Variants in DPP6 observed in about 807,000 individuals in gnomAD.
DPP6 encodes the protein dipeptidyl peptidase like 6.
Under a neutral mutation model 122.6 loss-of-function variants are expected in DPP6, and 69 were observed. That is an observed-to-expected ratio of 0.56 (90% confidence interval 0.46 to 0.69). DPP6 has a LOEUF of 0.69. DPP6 is among the 30% of genes least tolerant of loss of function. The pLI, the probability that DPP6 is intolerant of heterozygous loss-of-function variation, is 0.00. For synonymous variants in DPP6, 418 were observed against 433.1 expected (o/e 0.97, Z 0.43); for missense variants, 928 against 1,116.9 (o/e 0.83, Z 2.41).
intron 4 of DPP6, among the ~76,000 whole-genome samples, chr7:154,556,082 A>C (rs1206216775): frequency 6.6e-6 from 1 of 152,128 alleles, no homozygotes; most frequent in Admixed American, 6.6e-5. Flanking sequence ...AGTAATGTAT[A>C]CTCTTTTACC....
At chr7:154,841,775 C>T (rs972303524) in intron 16 of DPP6, among the ~76,000 whole-genome samples, 13 of 151,850 alleles carry the variant, frequency 8.6e-5, no homozygotes, top group African/African-American at 3.1e-4. Context: ...CCTCGAGCCG[C>T]GCTCCTCGGA....
chr7:154,667,173 CT>C (rs34461621), intron 6 of DPP6, among the ~76,000 whole-genome samples: 4,694 of 147,716 alleles, frequency 0.032, 128 homozygotes, highest in East Asian at 0.18. Flanking sequence ...ATATTTTTAT[CT>C]TTTTTTTTTA....
chr7:154,053,103 C>G (rs971282911), intron 1 of DPP6, 40 bp downstream of exon 1: 10 of 1,067,334 alleles, frequency 9.4e-6, no homozygotes, highest in African/African-American at 1.7e-5. Flanking sequence ...GGCGGGTTCT[C>G]CGGGCTGAGC....
chr7:153,976,348 T>C (rs1385214754), intron 1 of DPP6, among the ~76,000 whole-genome samples: 2 of 152,118 alleles, frequency 1.3e-5, no homozygotes, highest in African/African-American at 4.8e-5. Context: ...GACAACAGTG[T>C]GGAAATCTGA....
intron 7 of DPP6, among the ~76,000 whole-genome samples, chr7:154,676,104 G>A (rs919081772): frequency 2.1e-5 from 3 of 144,866 alleles, no homozygotes; most frequent in Middle Eastern, 3.7e-3. Flanking sequence ...CAGGTGTTCC[G>A]GGCTACAGCC....
At chr7:154,305,011 G>GGCCCCCTCCCCAGCCCCAGCCCCA (rs1367701323) in intron 1 of DPP6, 1 of 151,068 alleles carries the variant, frequency 6.6e-6, no homozygotes, top group Non-Finnish European at 1.4e-5. Context: ...CTGCCTCCGC[G>GGCCCCCTCCCCAGCCCCAGCCCCA]GCCCCCTCCC....
chr7:154,092,644 AGT>A (rs1804940815), intron 1 of DPP6: 1 of 152,146 alleles, frequency 6.6e-6, no homozygotes, highest in Admixed American at 6.6e-5. Flanking sequence ...ACGTGATATC[AGT>A]GTGTCCTGCT....
chr7:154,885,820 C>T lies in DPP6; in HGVS notation c.2245+76C>T, dbSNP rs374669274. 5.2e-6 allele frequency: 8 copies of T among 1,530,962 alleles called. No individual in the cohort carries two copies. The African/African-American group carries it at 9.6e-5, about 18-fold the overall frequency. 94.8% of individuals were successfully genotyped at this position (1,530,962 alleles called of 1,614,324 possible). On this transcript the variant is annotated intron_variant, in intron 22 of 25. Coordinates refer to ENST00000377770, the MANE Select transcript of DPP6 (RefSeq NM_130797.4). ...GCCCCCTGCCTGCGTGGCCCCACAG[C>T]CCTCCCTTCAGCACCACCGTCCCGC...
At chr7:154,819,419 A>T (rs1368373459) in intron 16 of DPP6, among the ~76,000 whole-genome samples, 4 of 148,268 alleles carry the variant, frequency 2.7e-5, no homozygotes, top group African/African-American at 5.0e-5. Flanking sequence ...CTGTCTCAAT[A>T]AATAAATAAA....
At chr7:154,324,718 C>G (rs1253034875) in intron 1 of DPP6, among the ~76,000 whole-genome samples, 2 of 152,074 alleles carry the variant, frequency 1.3e-5, no homozygotes, top group Non-Finnish European at 2.9e-5. Flanking sequence ...ACGTGGAAAC[C>G]GTGATGCTAG....
chr7:153,962,454 A>G (rs1210081544), intron 1 of DPP6, among the ~76,000 whole-genome samples: 1 of 152,022 alleles, frequency 6.6e-6, no homozygotes, highest in African/African-American at 2.4e-5. Flanking sequence ...AACTTTCAAT[A>G]TTGACGTTTC....
the DPP6 span, among the ~76,000 whole-genome samples, chr7:153,776,564 A>C: frequency 6.6e-6 from 1 of 152,186 alleles, no homozygotes; most frequent in Non-Finnish European, 1.5e-5. Context: ...TGTCTTTGTT[A>C]GCAGCATGAG....
intron 5 of DPP6, among the ~76,000 whole-genome samples, chr7:154,576,441 T>G (rs1831678389): frequency 6.6e-6 from 1 of 152,118 alleles, no homozygotes; most frequent in African/African-American, 2.4e-5. Flanking sequence ...CCTAGAACAT[T>G]CAGACCTATA....
chr7:154,408,601 A>G (rs1816321163), intron 1 of DPP6, among the ~76,000 whole-genome samples: 1 of 152,204 alleles, frequency 6.6e-6, no homozygotes, highest in African/African-American at 2.4e-5. Flanking sequence ...AGAAACTGGC[A>G]TTGATACACG....
intron 5 of DPP6, among the ~76,000 whole-genome samples, chr7:154,632,043 A>G (rs1015176016): frequency 2.0e-5 from 3 of 152,222 alleles, no homozygotes; most frequent in Admixed American, 6.5e-5. Flanking sequence ...GAAAAAGGAA[A>G]GTGATGTACA....
At chr7:154,163,179 C>T (rs1218305560) in intron 1 of DPP6, among the ~76,000 whole-genome samples, 1 of 151,974 alleles carries the variant, frequency 6.6e-6, no homozygotes, top group Non-Finnish European at 1.5e-5. Context: ...TGGAACTCTA[C>T]ACCTGGAGTC....
intron 7 of DPP6, among the ~76,000 whole-genome samples, chr7:154,723,305 C>T (rs1243619584): frequency 6.6e-6 from 1 of 152,122 alleles, no homozygotes; most frequent in Non-Finnish European, 1.5e-5. Context: ...ATACACTCTT[C>T]TTTATAGCTT....
chr7:154,777,232 G>A, intron 10 of DPP6, among the ~76,000 whole-genome samples: 1 of 152,196 alleles, frequency 6.6e-6, no homozygotes, highest in East Asian at 1.9e-4. Flanking sequence ...GAGTCTGCAT[G>A]GAAGTGTGGA....
chr7:154,136,990 C>T lies in DPP6; in HGVS notation c.243+83927C>T, dbSNP rs534731436. 7.2e-5 allele frequency among the ~76,000 whole-genome samples: 11 copies of T among 152,328 alleles called. No individual in the cohort carries two copies. In the East Asian group the frequency reaches 2.1e-3, roughly 29 times the overall value. On this transcript the variant is annotated intron_variant, in intron 1 of 25. Transcript: ENST00000377770. Reference sequence around the variant, plus strand: ...TATAGATAGGGTTGGGAGAACCACCCTGTCTTACCACAGTGTATGTCTGCT... The same window carrying T: ...TATAGATAGGGTTGGGAGAACCACCTTGTCTTACCACAGTGTATGTCTGCT...
Sources: allele counts gnomAD v4.1 joint callset (sites outside exome capture counted in the v4.1 genomes callset), GRCh38; gene constraint gnomAD v4.1.1; transcripts MANE v1.5; gene names NCBI Gene and HGNC (gene_info 2026-07-23, HGNC 2026-07-21).